DNAH10: variants seen among roughly 807,000 people sequenced by gnomAD.
DNAH10 encodes dynein axonemal heavy chain 10.
A neutral mutation model predicts 506.6 loss-of-function variants in DNAH10; 348 were observed. The observed-to-expected ratio is 0.69, with a 90% CI of 0.63 to 0.75. The LOEUF is 0.75. DNAH10 is among the 30% of genes least tolerant of loss of function. The pLI is 0.00. For synonymous variants in DNAH10, 2,059 were observed against 2,198.6 expected, an observed-to-expected ratio of 0.94 and a Z score of 1.78; for missense variants, 5,179 against 5,787.1, an observed-to-expected ratio of 0.89 and a Z score of 3.41.
chr12:123,927,070 TCTCA>T (rs1389702008), intron 69 of DNAH10: 1 of 495,634 alleles, frequency 2.0e-6, no homozygotes, highest in Non-Finnish European at 3.5e-6. Flanking sequence ...TGAGACAGGG[TCTCA>T]CTCTGTCACC....
At chr12:123,829,778 C>T (rs979890681) in intron 25 of DNAH10, among the ~76,000 whole-genome samples, 24 of 152,092 alleles carry the variant, frequency 1.6e-4, no homozygotes, top group Admixed American at 7.9e-4. Flanking sequence ...GGGTACGTGG[C>T]GTTCTGCTGT....
At chr12:123,870,591 G>T in intron 44 of DNAH10, 106 bp downstream of exon 44, 2 of 1,430,342 alleles carry the variant, frequency 1.4e-6, no homozygotes, top group South Asian at 1.4e-5. Flanking sequence ...TAAGTCCCAC[G>T]CAGAGAGCTG....
At chr12:123,807,627 G>A (rs1958730507) in intron 18 of DNAH10, among the ~76,000 whole-genome samples, 1 of 151,912 alleles carries the variant, frequency 6.6e-6, no homozygotes, top group African/African-American at 2.4e-5. Flanking sequence ...TGGAGAGGGT[G>A]GCAGGGGTGG....
At position 123,796,658 on chromosome 12, in the gene DNAH10, T is replaced by C; in HGVS notation, c.1989T>C (p.Ile663=). 1 of 1,601,740 alleles carries C rather than the reference T, an allele frequency of 6.2e-7. No homozygotes were observed. The highest frequency in any genetic ancestry group is 8.5e-7 in the Non-Finnish European group (1 of 1,174,194). The change falls in exon 13 of 79, where the codon ATT becomes ATC. Residue 663 remains isoleucine (I), a splice_region_variant and synonymous_variant. Transcript: ENST00000673944. ...NDILAQYCKE[I]DIINKIFVQN... ...GAAGCTGTTTGATTGCTTTTCAGAT[T>C]GACATCATTAATAAAATCTTTGTCC...
Position 123,818,949 on chromosome 12 carries a change from G to C in DNAH10, c.3781-1G>C. 2 of 1,584,490 alleles carry C rather than the reference G, an allele frequency of 1.3e-6. No individual in the cohort carries two copies. The highest frequency in any genetic ancestry group is 1.7e-6 in the Non-Finnish European group (2 of 1,161,892). ...TTCTGTTTTTTGTTTCTCCTAATTA[G>C]CCTCCTGATGCAGAGAAAGAACTGG... On this transcript the variant is annotated splice_acceptor_variant, in intron 21 of 78. Coordinates refer to ENST00000673944, the MANE Select transcript of DNAH10 (RefSeq NM_001372106.1). LOFTEE classifies it high-confidence loss of function.
At position 123,879,637 on chromosome 12, in the gene DNAH10, C is replaced by A. The variant is rs1566036677; in HGVS notation, c.8470C>A (p.Gln2824Lys). The A allele has an allele frequency of 6.2e-7, 1 of 1,613,912 alleles. No individual in the cohort carries two copies. The highest frequency in any genetic ancestry group is 1.3e-5 in the African/African-American group (1 of 75,032). Residue 2824 changes from glutamine (Q) to lysine (K), a missense_variant, in exon 50 of 79, where the codon CAA becomes AAA. Physicochemically the swap from Gln to Lys is moderately conservative, Grantham distance 53 (BLOSUM62 1). Coordinates refer to ENST00000673944, the MANE Select transcript of DNAH10 (RefSeq NM_001372106.1). ...TTAAGTGGGCTTCTGTTTCAAGGTA[C>A]AACAGCACATAGGCAGCTTGGTTGT... is the stretch of plus-strand genomic sequence containing the variant. Reference protein sequence around the residue: ...LISETDKQLVQQHIGSLVVEH... With the variant: ...LISETDKQLVKQHIGSLVVEH...
intron 37 of DNAH10, among the ~76,000 whole-genome samples, 178 bp downstream of exon 37, chr12:123,857,425 A>G (rs915709048): frequency 6.6e-6 from 1 of 152,174 alleles, no homozygotes; most frequent in African/African-American, 2.4e-5. Context: ...CATCTTACCT[A>G]CTTTTAAATG....
intron 51 of DNAH10, among the ~76,000 whole-genome samples, chr12:123,885,629 A>G (rs914940694): frequency 3.9e-5 from 6 of 152,164 alleles, no homozygotes; most frequent in African/African-American, 1.4e-4. Flanking sequence ...AGTGGAAAGG[A>G]CCTGGGGATG....
At chr12:123,770,487 ATTTTTT>A (rs56670119) in intron 2 of DNAH10, among the ~76,000 whole-genome samples, 126 of 133,122 alleles carry the variant, frequency 9.5e-4, no homozygotes, top group African/African-American at 2.2e-3. Flanking sequence ...CGTAAGTGTG[ATTTTTT>A]TTTTTTTTTT....
intron 52 of DNAH10, among the ~76,000 whole-genome samples, chr12:123,889,442 A>T (rs902794271): frequency 2.0e-5 from 3 of 152,184 alleles, no homozygotes; most frequent in African/African-American, 7.2e-5. Context: ...TTTATTCCAG[A>T]CACTGGGTTT....
intron 21 of DNAH10, among the ~76,000 whole-genome samples, chr12:123,817,875 G>T (rs1160135244): frequency 6.6e-6 from 1 of 151,840 alleles, no homozygotes; most frequent in Non-Finnish European, 1.5e-5. Flanking sequence ...TCTAATCAGA[G>T]ATTAAGTTGA....
At chr12:123,930,731 C>T (rs1419110050) in intron 73 of DNAH10, among the ~76,000 whole-genome samples, 158 bp downstream of exon 73, 1 of 152,172 alleles carries the variant, frequency 6.6e-6, no homozygotes. Context: ...GGCTGCAGAG[C>T]TGACTGATAG....
rs900550445 is a variant in DNAH10 at position 123,771,361 on chromosome 12, C to T, written c.299-240C>T. On this transcript the variant is annotated intron_variant, in intron 2 of 78. Coordinates refer to ENST00000673944, the MANE Select transcript of DNAH10 (RefSeq NM_001372106.1). ...AGGGTGGACACTGTACCTGAGAGAA[C>T]GCAGACACAAACATGTAAAATTTCT... Among the ~76,000 whole-genome samples the T allele has an allele frequency of 2.8e-4, 43 of 152,230 alleles. 1 individual carries two copies. Among genetic ancestry groups the T allele is most frequent in the African/African-American group, 8.4e-4 (35 of 41,512 alleles).
chr12:123,876,957 C>T (rs1371358354), intron 47 of DNAH10, among the ~76,000 whole-genome samples: 1 of 152,096 alleles, frequency 6.6e-6, no homozygotes, highest in Non-Finnish European at 1.5e-5. Flanking sequence ...AAGACCCCAT[C>T]TCAAAAAAAA....
chr12:123,897,819 T>C lies in DNAH10; in HGVS notation c.9330T>C (p.His3110=). The change falls in exon 55 of 79, where the codon CAT becomes CAC. Residue 3110 remains histidine, a synonymous_variant. Transcript: ENST00000673944. ...AAAATATAGAAAATGTGGTGAAGCA[T>C]GTTGTCTTGGTTCACCAATCCGTGG... The part of the protein sequence containing the change: ...PAENIENVVK[H]VVLVHQSVDH... The C allele has an allele frequency of 6.2e-7, 1 of 1,611,558 alleles. No individual in the cohort carries two copies. The highest frequency in any genetic ancestry group is 8.5e-7 in the Non-Finnish European group (1 of 1,179,312).
intron 1 of DNAH10, among the ~76,000 whole-genome samples, chr12:123,767,069 C>A (rs567086757): frequency 2.6e-4 from 40 of 152,006 alleles, no homozygotes; most frequent in African/African-American, 8.9e-4. Flanking sequence ...CCACACCCAG[C>A]TAATTTTTTT....
chr12:123,818,744 A>C (rs1959187846), intron 21 of DNAH10, among the ~76,000 whole-genome samples: 1 of 152,136 alleles, frequency 6.6e-6, no homozygotes, highest in South Asian at 2.1e-4. Context: ...AGCCCCCCAA[A>C]GTACTGGGAT....
chr12:123,915,394 G>T (rs1954430608), intron 62 of DNAH10, among the ~76,000 whole-genome samples: 1 of 152,170 alleles, frequency 6.6e-6, no homozygotes, highest in Admixed American at 6.5e-5. Context: ...TTCCCCCACT[G>T]AAAACATACA....
At chr12:123,890,023 T>C (rs1354768259) in intron 52 of DNAH10, among the ~76,000 whole-genome samples, 1 of 152,174 alleles carries the variant, frequency 6.6e-6, no homozygotes, top group Non-Finnish European at 1.5e-5. Context: ...GAGCACGCGC[T>C]CCATCCCACC....
Sources: gnomAD v4.1 joint callset for allele counts (sites outside exome capture counted in the v4.1 genomes callset) on GRCh38, gnomAD v4.1.1 for gene constraint, MANE v1.5 for transcripts, NCBI Gene and HGNC (gene_info 2026-07-23, HGNC 2026-07-21) for gene names.